EVL: variants seen among roughly 807,000 people sequenced by gnomAD.
The protein encoded by EVL is Enah/Vasp-like, also known as ena/VASP-like protein.
EVL carries 21 observed loss-of-function variants against 59.6 expected under a neutral mutation model. The observed-to-expected ratio is 0.35, with a 90% CI of 0.25 to 0.51. The LOEUF (loss-of-function observed/expected upper bound fraction) is 0.51. EVL is among the 20% of genes least tolerant of loss of function. The probability of loss-of-function intolerance (pLI) is 0.97; values close to 1 mark genes in which losing one functional copy is unlikely to be tolerated. For missense variants in EVL, 462 were observed against 546.6 expected, an observed-to-expected ratio of 0.85 and a Z score of 1.54; for synonymous variants, 198 against 203.5, an observed-to-expected ratio of 0.97 and a Z score of 0.23.
chr14:99,983,528 C>T (rs531042275), intron 1 of EVL, among the ~76,000 whole-genome samples: 37 of 152,192 alleles, frequency 2.4e-4, no homozygotes, highest in Non-Finnish European at 3.5e-4. Flanking sequence ...GCCGCCTACA[C>T]CCTTCTCCAG....
chr14:100,135,350 C>T (rs1017655241), intron 8 of EVL: 6 of 152,626 alleles, frequency 3.9e-5, no homozygotes, highest in African/African-American at 1.4e-4. Flanking sequence ...AAATGCTGTG[C>T]ATTCTGCTTC....
chr14:100,031,628 C>G (rs1022986953), intron 1 of EVL, among the ~76,000 whole-genome samples: 1 of 152,170 alleles, frequency 6.6e-6, no homozygotes, highest in Non-Finnish European at 1.5e-5. Context: ...GTTTGATACT[C>G]AGTGACTAGT....
At chr14:100,056,775 A>G (rs1228522231) in intron 1 of EVL, among the ~76,000 whole-genome samples, 3 of 152,158 alleles carry the variant, frequency 2.0e-5, no homozygotes, top group African/African-American at 7.2e-5. Flanking sequence ...ACGAGGCCCT[A>G]TCTGTCCCCT....
chr14:100,037,130 G>A (rs2061400438), intron 1 of EVL, among the ~76,000 whole-genome samples: 1 of 152,204 alleles, frequency 6.6e-6, no homozygotes, highest in African/African-American at 2.4e-5. Flanking sequence ...GTGGTATTTT[G>A]TTATGGCAGC....
At chr14:100,131,675 C>G (rs1269276338) in intron 7 of EVL, among the ~76,000 whole-genome samples, 2 of 152,084 alleles carry the variant, frequency 1.3e-5, no homozygotes, top group Non-Finnish European at 2.9e-5. Context: ...TGTAAGTGAT[C>G]GTGGCTAGGC....
chr14:100,070,063 A>T (rs1376852910), intron 1 of EVL, among the ~76,000 whole-genome samples: 1 of 118,174 alleles, frequency 8.5e-6, no homozygotes, highest in African/African-American at 4.4e-5. Flanking sequence ...CTCCTCTCTT[A>T]AAAAAAAAAA....
intron 3 of EVL, among the ~76,000 whole-genome samples, chr14:100,099,685 G>T (rs76598596): frequency 6.6e-6 from 1 of 151,282 alleles, no homozygotes; most frequent in African/African-American, 2.4e-5. Flanking sequence ...TAACATTTCC[G>T]TCTGAACTTA....
At chr14:100,142,939 G>GGTA (rs3837590) in intron 13 of EVL, among the ~76,000 whole-genome samples, 4,830 of 152,286 alleles carry the variant, frequency 0.032, 118 homozygotes, top group Admixed American at 0.054. Context: ...AGAGCCCGGG[G>GGTA]GTAGGCATGG....
intron 1 of EVL, among the ~76,000 whole-genome samples, chr14:100,021,151 G>A (rs1451800447): frequency 6.6e-6 from 1 of 152,240 alleles, no homozygotes; most frequent in Non-Finnish European, 1.5e-5. Flanking sequence ...TACTCTAGAT[G>A]AAGTACCCCT....
chr14:100,000,032 A>T (rs1039358759), intron 1 of EVL, among the ~76,000 whole-genome samples: 2 of 152,224 alleles, frequency 1.3e-5, no homozygotes, highest in Non-Finnish European at 2.9e-5. Flanking sequence ...ATTGATCTAC[A>T]GCTAGTCCAC....
chr14:100,019,750 G>T, intron 1 of EVL: 1 of 1,462,682 alleles, frequency 6.8e-7, no homozygotes, highest in Non-Finnish European at 9.2e-7. Context: ...GGTTTTTGCT[G>T]TGTAATGACA....
At chr14:100,027,776 G>A (rs2061238449) in intron 1 of EVL, among the ~76,000 whole-genome samples, 1 of 152,148 alleles carries the variant, frequency 6.6e-6, no homozygotes, top group African/African-American at 2.4e-5. Flanking sequence ...CCAGGTTCAT[G>A]CAGTTCTCGT....
At position 100,065,435 on chromosome 14, in the gene EVL, C is replaced by A; in HGVS notation, c.-66C>A. ...TTCAGAGGGTCTGTGGTCCTCTGAT[C>A]AACATAGGCTGGTGGGAGTACAGGA... On this transcript the variant is annotated 5_prime_UTR_variant, in exon 1 of 14. Transcript: ENST00000392920. The A allele has an allele frequency of 7.4e-7, 1 of 1,348,248 alleles. No individual in the cohort carries two copies. Among genetic ancestry groups the A allele is most frequent in the South Asian group, 2.1e-5 (1 of 47,044 alleles). 83.5% of individuals were successfully genotyped at this position (1,348,248 alleles called of 1,614,324 possible). A position where few individuals can be genotyped will look rare whatever the true frequency, so the allele number is the denominator to read the frequency against.
In EVL at chr14:100,137,818, C is replaced by T. The variant is rs1176854950; in HGVS notation, c.1094+16C>T. ...CTCACTCTAGGTACCGAACAACCCT[C>T]CTGCTCACATGTCCCCCAGGGTTTG... On this transcript the variant is annotated intron_variant, in intron 11 of 13. Transcript: ENST00000392920. 1 of 1,613,634 alleles carries T rather than the reference C, an allele frequency of 6.2e-7. No individual in the cohort carries two copies.
At position 100,129,549 on chromosome 14, in the gene EVL, TCC is replaced by T; in HGVS notation, c.718-13_718-12del. 6.2e-7 allele frequency: 1 copy of T among 1,613,100 alleles called. No individual in the cohort carries two copies. Among genetic ancestry groups the T allele is most frequent in the Non-Finnish European group, 8.5e-7 (1 of 1,179,684 alleles). On this transcript the variant is annotated splice_polypyrimidine_tract_variant and intron_variant, in intron 6 of 13. Transcript: ENST00000392920. ...CAGCAGCAGAATCTAAAACGCGGCC[TCC>T]TTTTTCCTCAGCCAGAAGACGCATC...
At chr14:100,047,895 A>G (rs2061580068) in intron 1 of EVL, among the ~76,000 whole-genome samples, 1 of 152,212 alleles carries the variant, frequency 6.6e-6, no homozygotes, top group Non-Finnish European at 1.5e-5. Flanking sequence ...AGCAAATGGT[A>G]CTGGAACAAT....
intron 7 of EVL, among the ~76,000 whole-genome samples, chr14:100,131,719 G>A (rs1595241782): frequency 6.6e-6 from 1 of 152,238 alleles, no homozygotes; most frequent in Non-Finnish European, 1.5e-5. Flanking sequence ...AGGAAGAGAT[G>A]ATAGGGGCAT....
intron 1 of EVL, among the ~76,000 whole-genome samples, chr14:100,002,081 C>T (rs1488848831): frequency 1.3e-5 from 2 of 152,116 alleles, no homozygotes; most frequent in African/African-American, 2.4e-5. Flanking sequence ...TTCCTTGACT[C>T]TAAAAAACAA....
intron 3 of EVL, among the ~76,000 whole-genome samples, chr14:100,118,299 G>T (rs1291481341): frequency 6.6e-6 from 1 of 152,140 alleles, no homozygotes; most frequent in Non-Finnish European, 1.5e-5. Flanking sequence ...TCCCTCTTCT[G>T]TGCTCTCCCT....
Sources: gnomAD v4.1 joint callset for allele counts (sites outside exome capture counted in the v4.1 genomes callset) on GRCh38, gnomAD v4.1.1 for gene constraint, MANE v1.5 for transcripts, NCBI Gene and HGNC (gene_info 2026-07-23, HGNC 2026-07-21) for gene names.